The following KIAA2012 variants were observed in gnomAD, a reference collection of about 807,000 sequenced individuals.
KIAA2012 encodes the protein uncharacterized protein KIAA2012.
A neutral mutation model predicts 150.6 loss-of-function variants in KIAA2012; 125 were observed. That is an observed-to-expected ratio of 0.83 (90% CI 0.72 to 0.96). The LOEUF (loss-of-function observed/expected upper bound fraction) is 0.96. Ranked by LOEUF, KIAA2012 falls within the 40% of genes least tolerant of loss-of-function variation. The probability of loss-of-function intolerance (pLI) is 0.00; values close to 1 mark genes in which losing one functional copy is unlikely to be tolerated. For synonymous variants in KIAA2012, 462 were observed against 504.7 expected (o/e 0.92, Z 1.13); for missense variants, 1,219 against 1,354.9 (o/e 0.90, Z 1.57).
At chr2:202,105,721 C>G in intron 8 of KIAA2012, 40 bp from the exon 9 acceptor site, 1 of 1,539,856 alleles carries the variant, frequency 6.5e-7, no homozygotes, top group South Asian at 1.2e-5. Context: ...GCAAAAACAA[C>G]AGACCTCTGC....
At chr2:202,186,839 C>A in intron 16 of KIAA2012, 94 bp from the exon 17 acceptor site, 1 of 1,253,366 alleles carries the variant, frequency 8.0e-7, no homozygotes, top group Non-Finnish European at 1.1e-6. Context: ...ACAGTGCCTG[C>A]AGAGAACAGG....
chr2:202,085,284 G>A (rs923896132), intron 2 of KIAA2012, among the ~76,000 whole-genome samples: 2 of 152,172 alleles, frequency 1.3e-5, no homozygotes, highest in African/African-American at 4.8e-5. Context: ...GAGGTTACAG[G>A]GCAAAGGGAA....
chr2:202,073,750 G>A, intron 1 of KIAA2012, 39 bp downstream of exon 1: 1 of 1,521,662 alleles, frequency 6.6e-7, no homozygotes, highest in Non-Finnish European at 8.9e-7. Context: ...TTTTGGAGGT[G>A]GGAGAGGAAT....
In KIAA2012 at chr2:202,109,805, G is replaced by A. The variant is rs1168678557; in HGVS notation, c.1651+16G>A. 5 of 1,510,576 alleles carry A rather than the reference G, an allele frequency of 3.3e-6. No individual in the cohort carries two copies. Among genetic ancestry groups the A allele is most frequent in the Non-Finnish European group, 3.5e-6 (4 of 1,128,496 alleles). 93.6% of individuals were successfully genotyped at this position (1,510,576 alleles called of 1,614,324 possible). Reference sequence around the variant, plus strand: ...GCAGCTCAAGGTAATCATTCCCAGAGTGCATAGACGCCCCCCACTGGCTTG... The same window carrying A: ...GCAGCTCAAGGTAATCATTCCCAGAATGCATAGACGCCCCCCACTGGCTTG... On this transcript the variant is annotated intron_variant, in intron 10 of 23. Transcript: ENST00000498697.
rs1689678106 is a variant in KIAA2012, at chr2:202,090,025, T to C, written c.370-745T>C. ...GATTAGGGATGTCTGCCATGGACAC[T>C]GGGAAGGGTGAGAGATGTCAACACA... On this transcript the variant is annotated intron_variant, in intron 2 of 23. Transcript: ENST00000498697. 2.0e-5 allele frequency among the ~76,000 whole-genome samples: 3 copies of C among 152,358 alleles called. No homozygotes were observed. In the South Asian group the frequency reaches 6.2e-4, roughly 32 times the overall value.
chr2:202,112,831 G>C (rs1438203070), intron 10 of KIAA2012, among the ~76,000 whole-genome samples: 1 of 152,202 alleles, frequency 6.6e-6, no homozygotes, highest in Non-Finnish European at 1.5e-5. Context: ...TAACTAGGGA[G>C]ACACAGCATC....
chr2:202,090,645 T>C, intron 2 of KIAA2012, 125 bp from the exon 3 acceptor site: 1 of 1,099,014 alleles, frequency 9.1e-7, no homozygotes, highest in African/African-American at 1.6e-5. Flanking sequence ...GCATCTGTTT[T>C]TGGTGCCTTC....
rs1307122960 is a variant in KIAA2012 at position 202,090,755 on chromosome 2, C to T, written c.370-15C>T. 2 of 1,540,906 alleles carry T rather than the reference C, an allele frequency of 1.3e-6. No individual in the cohort carries two copies. The highest frequency in any genetic ancestry group is 2.4e-5 in the South Asian group (2 of 83,050). On this transcript the variant is annotated splice_polypyrimidine_tract_variant and intron_variant, in intron 2 of 23. Coordinates refer to ENST00000498697, the MANE Select transcript of KIAA2012 (RefSeq NM_001277372.4). ...GGTCAGCAGCTGTGCTGTTTCCTGA[C>T]TGGTGTCCCCACAGGGAGAGCAGGA...
chr2:202,119,344 CA>C (rs1690605284), intron 11 of KIAA2012, among the ~76,000 whole-genome samples: 1 of 151,786 alleles, frequency 6.6e-6, no homozygotes, highest in Non-Finnish European at 1.5e-5. Flanking sequence ...AAAATCAATA[CA>C]AAGTACTGAA....
intron 3 of KIAA2012, among the ~76,000 whole-genome samples, chr2:202,091,620 A>G (rs1188825787): frequency 6.6e-6 from 1 of 152,224 alleles, no homozygotes; most frequent in Non-Finnish European, 1.5e-5. Flanking sequence ...ACGCATAAAC[A>G]GTTACGCTTG....
intron 15 of KIAA2012, 54 bp from the exon 16 acceptor site, chr2:202,184,696 TCTC>T: frequency 8.1e-7 from 1 of 1,237,338 alleles, no homozygotes; most frequent in Non-Finnish European, 1.1e-6. Flanking sequence ...CCATGTCTGA[TCTC>T]CTCCTAGGAT....
chr2:202,075,288 A>G (rs748487055), intron 2 of KIAA2012, 113 bp downstream of exon 2: 26 of 1,184,662 alleles, frequency 2.2e-5, no homozygotes, highest in African/African-American at 3.1e-5. Context: ...AACTCTCAGA[A>G]CTCTATTTCT....
At chr2:202,148,780 A>T (rs1481540934) in intron 13 of KIAA2012, among the ~76,000 whole-genome samples, 1 of 152,196 alleles carries the variant, frequency 6.6e-6, no homozygotes, top group African/African-American at 2.4e-5. Flanking sequence ...ACAGAACCTC[A>T]AAGTGAGGAC....
chr2:202,094,099 T>G (rs1316618661), intron 4 of KIAA2012, among the ~76,000 whole-genome samples: 1 of 152,158 alleles, frequency 6.6e-6, no homozygotes, highest in Admixed American at 6.5e-5. Flanking sequence ...CTGGGCAACA[T>G]AGTGAGACCC....
chr2:202,097,398 C>T (rs1342725087), intron 4 of KIAA2012, 37 bp from the exon 5 acceptor site: 4 of 1,547,892 alleles, frequency 2.6e-6, no homozygotes, highest in Non-Finnish European at 3.5e-6. Flanking sequence ...ACGTCCATTT[C>T]CAGGGTGACA....
intron 15 of KIAA2012, among the ~76,000 whole-genome samples, chr2:202,169,519 G>A (rs1691841626): frequency 6.6e-6 from 1 of 152,206 alleles, no homozygotes; most frequent in South Asian, 2.1e-4. Flanking sequence ...GGCTCTGTCA[G>A]CTTCTCAGTG....
At chr2:202,130,734 T>C (rs1298385314) in intron 12 of KIAA2012, among the ~76,000 whole-genome samples, 2 of 152,042 alleles carry the variant, frequency 1.3e-5, no homozygotes, top group African/African-American at 4.8e-5. Context: ...TTGGCTAACA[T>C]GGTGAAACCC....
chr2:202,110,841 C>A (rs1690329337), intron 10 of KIAA2012, among the ~76,000 whole-genome samples: 1 of 152,168 alleles, frequency 6.6e-6, no homozygotes, highest in Non-Finnish European at 1.5e-5. Context: ...TAGTTGAATT[C>A]TTTAAGCATA....
At chr2:202,168,783 G>A (rs1348788732) in intron 15 of KIAA2012, among the ~76,000 whole-genome samples, 1 of 152,248 alleles carries the variant, frequency 6.6e-6, no homozygotes, top group Admixed American at 6.5e-5. Context: ...AGAGATTTGG[G>A]GAACCCTGCA....
Sources: gnomAD v4.1 joint callset for allele counts (sites outside exome capture counted in the v4.1 genomes callset) on GRCh38, gnomAD v4.1.1 for gene constraint, MANE v1.5 for transcripts, NCBI Gene and HGNC (gene_info 2026-07-23, HGNC 2026-07-21) for gene names.